Variants in RUFY1 observed in about 807,000 individuals in gnomAD.
RUFY1 encodes the protein RUN and FYVE domain containing 1, also known as RUN and FYVE domain-containing protein 1.
Under a neutral mutation model 94.6 loss-of-function variants are expected in RUFY1, and 54 were observed. The observed-to-expected ratio is 0.57, with a 90% confidence interval of 0.46 to 0.72. The LOEUF (loss-of-function observed/expected upper bound fraction) is 0.72. Among genes scored for constraint, RUFY1 ranks in the 30% least tolerant of loss-of-function variants. The pLI, the probability that RUFY1 is intolerant of heterozygous loss-of-function variation, is 0.00. For synonymous variants in RUFY1, 396 were observed against 347.3 expected (o/e 1.14, Z -1.56); for missense variants, 883 against 883.9 (o/e 1.00, Z 0.01).
At chr5:179,556,507 GT>G (rs549470819) in intron 1 of RUFY1, among the ~76,000 whole-genome samples, 22 of 142,644 alleles carry the variant, frequency 1.5e-4, no homozygotes, top group East Asian at 2.0e-4. Flanking sequence ...CTTGAATTGC[GT>G]TTTTTTTTTT....
intron 1 of RUFY1, among the ~76,000 whole-genome samples, chr5:179,551,986 A>C (rs1761880038): frequency 6.6e-6 from 1 of 150,940 alleles, no homozygotes; most frequent in Non-Finnish European, 1.5e-5. Flanking sequence ...CAACATGGTG[A>C]AACCCCGTCT....
At chr5:179,578,581 TAATC>T (rs1351814281) in intron 6 of RUFY1, among the ~76,000 whole-genome samples, 1 of 152,034 alleles carries the variant, frequency 6.6e-6, no homozygotes, top group Non-Finnish European at 1.5e-5. Context: ...TATTCTTTTA[TAATC>T]AGTTACCCAA....
At chr5:179,558,892 A>G (rs1181870523) in intron 1 of RUFY1, among the ~76,000 whole-genome samples, 2 of 152,254 alleles carry the variant, frequency 1.3e-5, no homozygotes, top group Admixed American at 6.5e-5. Context: ...TAAAACAGGT[A>G]AAGGATTAGT....
intron 1 of RUFY1, among the ~76,000 whole-genome samples, chr5:179,552,638 G>A (rs534563956): frequency 6.6e-6 from 1 of 152,308 alleles, no homozygotes; most frequent in East Asian, 1.9e-4. Context: ...AGTACTGAAA[G>A]TCAAGGCATG....
chr5:179,574,778 A>C (rs1262072596), intron 5 of RUFY1, among the ~76,000 whole-genome samples: 1 of 152,132 alleles, frequency 6.6e-6, no homozygotes, highest in Non-Finnish European at 1.5e-5. Flanking sequence ...AAATTTGTCT[A>C]CTTGGTTGAA....
intron 13 of RUFY1, chr5:179,598,368 A>G (rs1765901469): frequency 1.0e-5 from 3 of 289,956 alleles, no homozygotes; most frequent in Admixed American, 4.9e-5. Flanking sequence ...GTCTCAAAAA[A>G]AGAAAAGAAC....
chr5:179,565,338 C>A (rs1332755605), intron 3 of RUFY1, among the ~76,000 whole-genome samples: 1 of 151,862 alleles, frequency 6.6e-6, no homozygotes, highest in Non-Finnish European at 1.5e-5. Flanking sequence ...GCCACCACAC[C>A]CAGCTATTTT....
chr5:179,551,298 C>G (rs1037559199), intron 1 of RUFY1, among the ~76,000 whole-genome samples: 1 of 152,244 alleles, frequency 6.6e-6, no homozygotes, highest in Non-Finnish European at 1.5e-5. Context: ...CCGCTCACCT[C>G]TGCCTGTGAG....
chr5:179,579,024 G>GT (rs1371869449), intron 6 of RUFY1, among the ~76,000 whole-genome samples: 4 of 152,180 alleles, frequency 2.6e-5, no homozygotes, highest in Non-Finnish European at 4.4e-5. Flanking sequence ...CTAGAGTGGC[G>GT]TATCAACCTT....
At position 179,598,584 on chromosome 5, in the gene RUFY1, CAA is replaced by C. The variant is rs908318607; in HGVS notation, c.1632-107_1632-106del. The C allele has an allele frequency of 6.1e-6, 8 of 1,319,086 alleles. No homozygotes were observed. The East Asian group carries it at 1.4e-4, about 23-fold the overall frequency. The allele number at this position is 1,319,086 out of a possible 1,614,324, so 81.7% of individuals were successfully genotyped here. On this transcript the variant is annotated intron_variant, in intron 13 of 17. Transcript: ENST00000319449. Reference sequence around the variant, plus strand: ...AGCGTTGCCGAAGGCTTTAGATGCTCAAGAGGCAATTCAGAGACTTCCCTGTT... The same window carrying C: ...AGCGTTGCCGAAGGCTTTAGATGCTCGAGGCAATTCAGAGACTTCCCTGTT...
At chr5:179,569,562 G>A in intron 5 of RUFY1, 137 bp downstream of exon 5, 3 of 860,434 alleles carry the variant, frequency 3.5e-6, no homozygotes, top group Non-Finnish European at 5.7e-6. Flanking sequence ...GGATGCAGCT[G>A]GGGAAGGTCT....
chr5:179,607,111 T>G lies in RUFY1; in HGVS notation c.1906-471T>G, dbSNP rs1767171015. 6 of 177,900 alleles carry G rather than the reference T, an allele frequency of 3.4e-5. No individual in the cohort carries two copies. The South Asian group carries it at 7.4e-4, about 22-fold the overall frequency. The allele number at this position is 177,900 out of a possible 1,614,324, so 11.0% of individuals were successfully genotyped here. On this transcript the variant is annotated intron_variant, in intron 16 of 17. Coordinates refer to ENST00000319449, the MANE Select transcript of RUFY1 (RefSeq NM_025158.5). ...GGCCTGTGGGACGCAGTGCCCGCTG[T>G]CCATCACCTTCTGTCTCTCCACAAG...
chr5:179,578,906 A>G (rs1404248240), intron 6 of RUFY1, among the ~76,000 whole-genome samples: 1 of 152,020 alleles, frequency 6.6e-6, no homozygotes, highest in Non-Finnish European at 1.5e-5. Flanking sequence ...AGCCTCCCAA[A>G]GTGCTAGGAT....
rs747480396 is a variant in RUFY1 at position 179,585,876 on chromosome 5, T to C, written c.1026+11T>C. 1.2e-6 allele frequency: 2 copies of C among 1,603,714 alleles called. No homozygotes were observed. Among genetic ancestry groups the C allele is most frequent in the Non-Finnish European group, 1.7e-6 (2 of 1,170,744 alleles). ...AAGCTTCAAGAAGAGGTTTGTAAGTTTTATTGAAATTTTTAGACAAAACAG... is the reference window on the plus strand; with the variant it reads ...AAGCTTCAAGAAGAGGTTTGTAAGTCTTATTGAAATTTTTAGACAAAACAG... On this transcript the variant is annotated intron_variant, in intron 8 of 17. Coordinates refer to ENST00000319449, the MANE Select transcript of RUFY1 (RefSeq NM_025158.5).
chr5:179,609,164 G>A (rs147648224), intron 17 of RUFY1, among the ~76,000 whole-genome samples: 4,441 of 139,422 alleles, frequency 0.032, 243 homozygotes, highest in African/African-American at 0.11. Context: ...CTGAGATCGC[G>A]CCACTGCACT....
intron 4 of RUFY1, among the ~76,000 whole-genome samples, chr5:179,568,328 A>T (rs1762986673): frequency 2.0e-5 from 3 of 152,232 alleles, no homozygotes; most frequent in Non-Finnish European, 4.4e-5. Context: ...AGTAAGCAAT[A>T]ATCATTATAA....
intron 8 of RUFY1, 42 bp downstream of exon 8, chr5:179,585,907 C>A: frequency 6.8e-7 from 1 of 1,475,712 alleles, no homozygotes; most frequent in Non-Finnish European, 9.5e-7. Context: ...AACAGAATGA[C>A]CCAAGGTTAA....
chr5:179,570,123 C>A (rs867486278), intron 5 of RUFY1, among the ~76,000 whole-genome samples: 1 of 152,066 alleles, frequency 6.6e-6, no homozygotes, highest in Non-Finnish European at 1.5e-5. Flanking sequence ...CGTGATCCAC[C>A]CGCCTCGGCC....
intron 1 of RUFY1, among the ~76,000 whole-genome samples, chr5:179,552,369 G>T (rs559946739): frequency 6.6e-6 from 1 of 152,208 alleles, no homozygotes; most frequent in East Asian, 1.9e-4. Flanking sequence ...GAGGCTTCCT[G>T]ATTCCTCCCC....
Sources: gnomAD v4.1 joint callset for allele counts (sites outside exome capture counted in the v4.1 genomes callset) on GRCh38, gnomAD v4.1.1 for gene constraint, MANE v1.5 for transcripts, NCBI Gene and HGNC (gene_info 2026-07-23, HGNC 2026-07-21) for gene names.